SYNJ2: variants seen among roughly 807,000 people sequenced by gnomAD.
SYNJ2 encodes synaptojanin 2, also known as polyphosphatidylinositol phosphatase SYNJ2.
SYNJ2 carries 116 observed loss-of-function variants against 141.3 expected under a neutral mutation model. The ratio of observed to expected loss-of-function variants is 0.82; its 90% confidence interval spans 0.71 to 0.96. The LOEUF is 0.96. Ranked by LOEUF, SYNJ2 falls within the 40% of genes least tolerant of loss-of-function variation. SYNJ2 has a pLI of 0.00. For synonymous variants in SYNJ2, 745 were observed against 777.7 expected (o/e 0.96, Z 0.70); for missense variants, 1,873 against 1,934.8 (o/e 0.97, Z 0.60).
At chr6:157,989,147 G>A (rs1777316578) in intron 1 of SYNJ2, among the ~76,000 whole-genome samples, 1 of 152,060 alleles carries the variant, frequency 6.6e-6, no homozygotes, top group Non-Finnish European at 1.5e-5. Context: ...TTTATTGCAA[G>A]CTGTTTTGAG....
At position 158,070,342 on chromosome 6, in the gene SYNJ2, G is replaced by A. The variant is rs887120990; in HGVS notation, c.1940+669G>A. 2.4e-5 allele frequency: 24 copies of A among 985,384 alleles called. No individual in the cohort carries two copies. The highest frequency in any genetic ancestry group is 3.5e-5 in the African/African-American group (2 of 57,226). 61.0% of individuals were successfully genotyped at this position (985,384 alleles called of 1,614,324 possible). On this transcript the variant is annotated intron_variant, in intron 14 of 26. Transcript: ENST00000355585. This position sits in a 1 kb window ranked among gnomAD's most constrained non-coding sequence, Gnocchi z 4.0. Reference sequence around the variant, plus strand: ...ACTGAGCCCCTGGGTCCCGGGAAGGGCCTGTGCCTGCCAAGAGCACCACGG... The same window carrying A: ...ACTGAGCCCCTGGGTCCCGGGAAGGACCTGTGCCTGCCAAGAGCACCACGG...
In SYNJ2 at chr6:158,047,606, A is replaced by G. The variant is rs1474050103; in HGVS notation, c.795+4207A>G. ...AGCCTGGCCAACATGGTGAAATCCC[A>G]TCCCCACTAAAAATGCAAAAATTAG... On this transcript the variant is annotated intron_variant, in intron 5 of 26. Coordinates refer to ENST00000355585, the MANE Select transcript of SYNJ2 (RefSeq NM_003898.4). Among the ~76,000 whole-genome samples, 7 of 151,848 alleles carry G rather than the reference A, an allele frequency of 4.6e-5. No homozygotes were observed. In the East Asian group the frequency reaches 1.2e-3, roughly 25 times the overall value.
Position 158,071,513 on chromosome 6 carries a change from C to T in SYNJ2, c.1941-89C>T, listed in dbSNP as rs1385550376. 12 of 1,458,116 alleles carry T rather than the reference C, an allele frequency of 8.2e-6. No homozygotes were observed. The highest frequency in any genetic ancestry group is 6.9e-5 in the East Asian group (3 of 43,728). The allele number at this position is 1,458,116 out of a possible 1,614,324, so 90.3% of individuals were successfully genotyped here. On this transcript the variant is annotated intron_variant, in intron 14 of 26. Coordinates refer to ENST00000355585, the MANE Select transcript of SYNJ2 (RefSeq NM_003898.4). This position sits in a 1 kb window ranked among gnomAD's most constrained non-coding sequence, Gnocchi z 4.3. ...TTGGAGCACTCAGAGCAGCAGGTCC[C>T]GAGCTGCTGCTGGGCCCTTCTCTGT...
At chr6:158,086,005 T>G (rs1783011841) in intron 22 of SYNJ2, among the ~76,000 whole-genome samples, 1 of 152,094 alleles carries the variant, frequency 6.6e-6, no homozygotes, top group Non-Finnish European at 1.5e-5. Flanking sequence ...GATAGTCCTT[T>G]GCATGAAGAA....
At chr6:158,053,466 G>A (rs1780678222) in intron 5 of SYNJ2, among the ~76,000 whole-genome samples, 1 of 151,956 alleles carries the variant, frequency 6.6e-6, no homozygotes, top group Admixed American at 6.6e-5. Context: ...TTATTACTTG[G>A]TATTCTACTA....
chr6:157,992,743 T>A (rs1777498184), intron 1 of SYNJ2, among the ~76,000 whole-genome samples: 1 of 152,072 alleles, frequency 6.6e-6, no homozygotes, highest in African/African-American at 2.4e-5. Context: ...TGACCTCCAG[T>A]TCCATCCATG....
At chr6:157,986,396 C>A (rs757389989) in intron 1 of SYNJ2, among the ~76,000 whole-genome samples, 3 of 152,200 alleles carry the variant, frequency 2.0e-5, no homozygotes, top group Admixed American at 1.3e-4. Context: ...TACAATGGCG[C>A]AATCTTGGCT....
At chr6:158,024,063 C>A (rs1778911942) in intron 2 of SYNJ2, among the ~76,000 whole-genome samples, 1 of 152,136 alleles carries the variant, frequency 6.6e-6, no homozygotes, top group African/African-American at 2.4e-5. Context: ...ACTTTCATTC[C>A]TTCAATAAAT....
intron 16 of SYNJ2, among the ~76,000 whole-genome samples, chr6:158,075,415 C>T (rs1023812753): frequency 7.3e-5 from 11 of 151,500 alleles, no homozygotes; most frequent in Non-Finnish European, 1.0e-4. Context: ...CCGAGGCGTG[C>T]GGATCACCTG....
At chr6:158,009,612 G>T (rs1054679726) in intron 1 of SYNJ2, among the ~76,000 whole-genome samples, 6 of 152,246 alleles carry the variant, frequency 3.9e-5, no homozygotes, top group Admixed American at 3.9e-4. Flanking sequence ...ACATTCTCGT[G>T]TAGGAAAACT....
chr6:158,010,377 G>A (rs1778219607), intron 1 of SYNJ2, among the ~76,000 whole-genome samples: 1 of 152,214 alleles, frequency 6.6e-6, no homozygotes, highest in Admixed American at 6.5e-5. Flanking sequence ...CGGCCTCCTG[G>A]GAAGCCAGGC....
chr6:157,998,213 C>T (rs1777708432), intron 1 of SYNJ2, among the ~76,000 whole-genome samples: 1 of 152,212 alleles, frequency 6.6e-6, no homozygotes, highest in Non-Finnish European at 1.5e-5. Context: ...ACTAGCTCCT[C>T]CCCCAGCTGA....
chr6:158,046,780 T>C (rs780650395), intron 5 of SYNJ2, among the ~76,000 whole-genome samples: 3 of 152,216 alleles, frequency 2.0e-5, no homozygotes, highest in African/African-American at 7.2e-5. Flanking sequence ...AATAGCCACA[T>C]TGAAATTTTA....
intron 20 of SYNJ2, 44 bp from the exon 21 acceptor site, chr6:158,083,385 T>A (rs1329399519): frequency 6.3e-7 from 1 of 1,598,414 alleles, no homozygotes; most frequent in South Asian, 1.1e-5. Context: ...ACAGGAGGGG[T>A]CATGATTTTT....
At chr6:158,089,713 G>T in intron 24 of SYNJ2, 126 bp from the exon 25 acceptor site, 1 of 626,272 alleles carries the variant, frequency 1.6e-6, no homozygotes. Context: ...TGTGGTGGAG[G>T]CTGGAGTTTG....
At chr6:158,054,194 C>T (rs927676484) in intron 5 of SYNJ2, among the ~76,000 whole-genome samples, 3 of 151,580 alleles carry the variant, frequency 2.0e-5, no homozygotes, top group Non-Finnish European at 4.4e-5. Context: ...TCCATCCATC[C>T]ACTCAGCTAT....
chr6:157,990,610 C>T (rs1306489931), intron 1 of SYNJ2, among the ~76,000 whole-genome samples: 3 of 152,178 alleles, frequency 2.0e-5, no homozygotes, highest in Non-Finnish European at 4.4e-5. Flanking sequence ...GGCTGCTGCT[C>T]AGACCCAGCG....
chr6:158,083,675 G>A, intron 21 of SYNJ2, 78 bp downstream of exon 21: 2 of 1,577,084 alleles, frequency 1.3e-6, no homozygotes, highest in South Asian at 2.3e-5. Context: ...ACCTTCTAAA[G>A]CCTCCCTTGC....
Position 158,043,372 on chromosome 6 carries a change from G to T in SYNJ2, c.768G>T (p.Pro256=). The T allele has an allele frequency of 6.2e-7, 1 of 1,614,036 alleles. No homozygotes were observed. Among genetic ancestry groups the T allele is most frequent in the East Asian group, 2.2e-5 (1 of 44,878 alleles). The change falls in exon 5 of 27, where the codon CCG becomes CCT. Residue 256 remains proline (P), a synonymous_variant. Transcript: ENST00000355585. The surrounding 1 kb of genome is among the most constrained non-coding windows in gnomAD (Gnocchi z 4.0). ...TTGTCCAGATCAGAGGCTCCGTTCCGCTGTTCTGGGAACAGCCAGGGCTTC... is the reference window on the plus strand; with the variant it reads ...TTGTCCAGATCAGAGGCTCCGTTCCTCTGTTCTGGGAACAGCCAGGGCTTC... The part of the protein sequence containing the change: ...SSFVQIRGSV[P]LFWEQPGLQV...
Sources: gnomAD v4.1 joint callset for allele counts (sites outside exome capture counted in the v4.1 genomes callset) on GRCh38, gnomAD v4.1.1 for gene constraint, Gnocchi (gnomAD v3.1) non-coding constraint, MANE v1.5 for transcripts, NCBI Gene and HGNC (gene_info 2026-07-23, HGNC 2026-07-21) for gene names.